Variants in MDGA2 observed in about 807,000 individuals in gnomAD.
The protein encoded by MDGA2 is MAM domain-containing glycosylphosphatidylinositol anchor protein 2.
Under a neutral mutation model 117.8 loss-of-function variants are expected in MDGA2, and 40 were observed. That is an observed-to-expected ratio of 0.34 (90% CI 0.26 to 0.44). The LOEUF is 0.44. Ranked by LOEUF, MDGA2 falls within the 20% of genes least tolerant of loss-of-function variation. MDGA2 has a pLI of 1.00. For missense variants in MDGA2, 1,123 were observed against 1,250.6 expected, an observed-to-expected ratio of 0.90 and a Z score of 1.54; for synonymous variants, 452 against 439.0, an observed-to-expected ratio of 1.03 and a Z score of -0.37.
chr14:47,574,774 G>A (rs1896085945), intron 1 of MDGA2, among the ~76,000 whole-genome samples: 1 of 152,150 alleles, frequency 6.6e-6, no homozygotes, highest in South Asian at 2.1e-4. Flanking sequence ...TGTTAGCTCT[G>A]TTTACAGATG....
At chr14:47,207,656 G>GA in intron 3 of MDGA2, among the ~76,000 whole-genome samples, 1 of 152,084 alleles carries the variant, frequency 6.6e-6, no homozygotes, top group East Asian at 1.9e-4. Context: ...AGGGACACCT[G>GA]AAAACGTTTG....
intron 8 of MDGA2, among the ~76,000 whole-genome samples, chr14:46,980,155 T>C (rs1886616277): frequency 1.3e-5 from 2 of 152,154 alleles, no homozygotes; most frequent in African/African-American, 4.8e-5. Flanking sequence ...ACAATCTACA[T>C]TTGTGATTAA....
chr14:46,957,728 G>A, intron 8 of MDGA2, 85 bp from the exon 9 acceptor site: 1 of 1,434,490 alleles, frequency 7.0e-7, no homozygotes, highest in East Asian at 2.3e-5. Context: ...GCCATTTGCA[G>A]TAACACATGC....
chr14:47,403,660 A>G (rs2138468724), intron 1 of MDGA2, among the ~76,000 whole-genome samples: 1 of 152,156 alleles, frequency 6.6e-6, no homozygotes, highest in African/African-American at 2.4e-5. Flanking sequence ...CATGACCATC[A>G]CCATCACCAG....
At position 47,639,819 on chromosome 14, in the gene MDGA2, G is replaced by A. The variant is rs181692434; in HGVS notation, c.280+34698C>T. 9.9e-4 allele frequency among the ~76,000 whole-genome samples: 151 copies of A among 152,240 alleles called. 1 individual carries two copies. Among genetic ancestry groups the A allele is most frequent in the African/African-American group, 3.4e-3 (142 of 41,544 alleles). The stretch of plus-strand genomic sequence containing the variant: ...GACTCCACATGTGCCTTTCTGCACA[G>A]TAGAAACACTGCCTGGACAATCTCA... On this transcript the variant is annotated intron_variant, in intron 1 of 16. Transcript: ENST00000399232.
chr14:47,595,185 A>T (rs1338012314), intron 1 of MDGA2, among the ~76,000 whole-genome samples: 2 of 152,056 alleles, frequency 1.3e-5, no homozygotes, highest in Admixed American at 6.6e-5. Flanking sequence ...GACTAATGTA[A>T]TAATTGGGGA....
chr14:47,174,650 T>G (rs1208996407), intron 3 of MDGA2, among the ~76,000 whole-genome samples: 2 of 150,662 alleles, frequency 1.3e-5, no homozygotes, highest in Non-Finnish European at 3.0e-5. Context: ...TTCAAAGCAG[T>G]GAGTAGATGG....
At chr14:47,082,172 GA>G (rs1402759194) in intron 6 of MDGA2, among the ~76,000 whole-genome samples, 2 of 151,940 alleles carry the variant, frequency 1.3e-5, no homozygotes, top group African/African-American at 4.8e-5. Context: ...AAAGTACACT[GA>G]ATTGCATTTC....
intron 2 of MDGA2, among the ~76,000 whole-genome samples, chr14:47,284,612 C>G (rs143418899): frequency 6.6e-6 from 1 of 152,034 alleles, no homozygotes; most frequent in East Asian, 1.9e-4. Flanking sequence ...AGAAATGTCC[C>G]CAACCTGATT....
intron 9 of MDGA2, among the ~76,000 whole-genome samples, chr14:46,935,269 A>C (rs1566533675): frequency 6.6e-6 from 1 of 152,020 alleles, no homozygotes; most frequent in Non-Finnish European, 1.5e-5. Context: ...CTTTGTTACA[A>C]ATCTCCCATG....
At chr14:47,512,600 G>T (rs1308470551) in intron 1 of MDGA2, among the ~76,000 whole-genome samples, 2 of 152,024 alleles carry the variant, frequency 1.3e-5, no homozygotes, top group Non-Finnish European at 2.9e-5. Flanking sequence ...CCATGCCAAG[G>T]TCCATACTTA....
At chr14:47,213,291 C>T (rs1183550415) in intron 3 of MDGA2, among the ~76,000 whole-genome samples, 3 of 152,050 alleles carry the variant, frequency 2.0e-5, no homozygotes, top group Non-Finnish European at 4.4e-5. Context: ...TTCCATTGTG[C>T]GGACCTGTGC....
intron 2 of MDGA2, among the ~76,000 whole-genome samples, chr14:47,226,682 A>G (rs923527893): frequency 2.1e-4 from 32 of 152,162 alleles, no homozygotes; most frequent in Non-Finnish European, 1.5e-5. Context: ...GAATGCAATC[A>G]TCATAGAGAA....
intron 8 of MDGA2, among the ~76,000 whole-genome samples, chr14:47,011,384 A>G (rs1404905306): frequency 1.3e-5 from 2 of 152,024 alleles, no homozygotes; most frequent in Non-Finnish European, 2.9e-5. Flanking sequence ...AATTTAAATA[A>G]ATGCCTTATA....
intron 5 of MDGA2, among the ~76,000 whole-genome samples, chr14:47,126,582 T>C (rs1169690083): frequency 1.3e-5 from 2 of 152,092 alleles, no homozygotes; most frequent in Non-Finnish European, 2.9e-5. Flanking sequence ...ATCACTGGAA[T>C]TCTACAGATG....
chr14:46,988,715 G>A (rs995933377), intron 8 of MDGA2, among the ~76,000 whole-genome samples: 5 of 152,052 alleles, frequency 3.3e-5, no homozygotes, highest in Admixed American at 1.3e-4. Flanking sequence ...GGAATCTTAG[G>A]GAGATGTCAT....
At chr14:47,447,245 C>T (rs1392217265) in intron 1 of MDGA2, among the ~76,000 whole-genome samples, 1 of 152,114 alleles carries the variant, frequency 6.6e-6, no homozygotes, top group African/African-American at 2.4e-5. Context: ...CTTGGTACTG[C>T]TAGCCTGGGA....
intron 8 of MDGA2, among the ~76,000 whole-genome samples, chr14:46,992,586 A>G (rs561861179): frequency 6.6e-6 from 1 of 152,134 alleles, no homozygotes; most frequent in Non-Finnish European, 1.5e-5. Context: ...TAATGTAGTG[A>G]CTTTTATTTG....
intron 1 of MDGA2, among the ~76,000 whole-genome samples, chr14:47,634,578 T>A (rs536478366): frequency 6.6e-6 from 1 of 152,056 alleles, no homozygotes; most frequent in Non-Finnish European, 1.5e-5. Context: ...AACAAAACTG[T>A]TTTTTCTTTT....
Sources: gnomAD v4.1 joint callset for allele counts (sites outside exome capture counted in the v4.1 genomes callset) on GRCh38, gnomAD v4.1.1 for gene constraint, MANE v1.5 for transcripts, NCBI Gene and HGNC (gene_info 2026-07-23, HGNC 2026-07-21) for gene names.